The following SLC12A6 variants were observed in gnomAD, a reference collection of about 807,000 sequenced individuals.
SLC12A6 encodes the protein K-Cl cotransporter 3.
In SLC12A6, 66 loss-of-function variants were observed where a neutral mutation model predicts 135.3. The observed-to-expected ratio is 0.49, with a 90% confidence interval of 0.40 to 0.60. The LOEUF (loss-of-function observed/expected upper bound fraction) is 0.60. Among genes scored for constraint, SLC12A6 ranks in the 20% least tolerant of loss-of-function variants. The probability of loss-of-function intolerance (pLI) is 0.00; values close to 1 mark genes in which losing one functional copy is unlikely to be tolerated. For missense variants in SLC12A6, 1,058 were observed against 1,452.3 expected, an observed-to-expected ratio of 0.73 and a Z score of 4.41; for synonymous variants, 513 against 508.8, an observed-to-expected ratio of 1.01 and a Z score of -0.11.
intron 2 of SLC12A6, among the ~76,000 whole-genome samples, chr15:34,307,172 C>T (rs1896655821): frequency 6.6e-6 from 1 of 152,032 alleles, no homozygotes; most frequent in Admixed American, 6.5e-5. Flanking sequence ...TCAACTGCAC[C>T]TCGATAAAAA....
chr15:34,245,525 A>G, intron 14 of SLC12A6, 122 bp from the exon 15 acceptor site: 1 of 884,304 alleles, frequency 1.1e-6, no homozygotes, highest in Non-Finnish European at 1.9e-6. Context: ...CCTTTTAAAT[A>G]CCTTTACAGC....
At chr15:34,315,652 TATAA>T (rs1196371795) in intron 2 of SLC12A6, among the ~76,000 whole-genome samples, 2 of 152,198 alleles carry the variant, frequency 1.3e-5, no homozygotes. Context: ...TACAGTATAG[TATAA>T]ATAAATATCA....
intron 12 of SLC12A6, 105 bp downstream of exon 12, chr15:34,250,526 T>A: frequency 2.4e-6 from 2 of 838,978 alleles, no homozygotes; most frequent in Non-Finnish European, 4.2e-6. Flanking sequence ...AGAAGTGAAG[T>A]GATAGAAAGC....
intron 2 of SLC12A6, among the ~76,000 whole-genome samples, chr15:34,331,896 A>G (rs1652287521): frequency 6.6e-6 from 1 of 152,110 alleles, no homozygotes; most frequent in African/African-American, 2.4e-5. Flanking sequence ...GCCAGTCTCA[A>G]AGTTGTTACA....
chr15:34,275,417 G>GA (rs771857961), intron 2 of SLC12A6, 28 bp from the exon 3 acceptor site: 12 of 1,289,520 alleles, frequency 9.3e-6, no homozygotes, highest in East Asian at 2.3e-5. Context: ...GAAAAGAAAA[G>GA]AAAAAAATGA....
chr15:34,265,125 A>G (rs1893413628), intron 3 of SLC12A6, among the ~76,000 whole-genome samples: 1 of 152,224 alleles, frequency 6.6e-6, no homozygotes, highest in African/African-American at 2.4e-5. Flanking sequence ...TAAACCCAGG[A>G]GGCGGAGCTT....
intron 2 of SLC12A6, among the ~76,000 whole-genome samples, chr15:34,311,810 T>C (rs939468479): frequency 1.3e-5 from 2 of 152,236 alleles, no homozygotes; most frequent in African/African-American, 4.8e-5. Flanking sequence ...CCCTAAACTT[T>C]TATTTCCCAT....
At chr15:34,272,177 G>T (rs2140872424) in intron 3 of SLC12A6, among the ~76,000 whole-genome samples, 1 of 152,192 alleles carries the variant, frequency 6.6e-6, no homozygotes. Flanking sequence ...CACCATCTTG[G>T]CTAGGCTGGT....
chr15:34,296,452 C>T (rs575473872), intron 2 of SLC12A6, among the ~76,000 whole-genome samples: 18 of 152,108 alleles, frequency 1.2e-4, no homozygotes, highest in Non-Finnish European at 2.5e-4. Flanking sequence ...AAAAAAGACT[C>T]GCTTGAACTT....
intron 2 of SLC12A6, among the ~76,000 whole-genome samples, chr15:34,307,900 GTT>G (rs1887845819): frequency 6.6e-6 from 1 of 152,152 alleles, no homozygotes; most frequent in South Asian, 2.1e-4. Context: ...AAGGTTACAT[GTT>G]GATGGAAAGA....
At chr15:34,240,317 CTTG>C (rs1891557256) in intron 19 of SLC12A6, among the ~76,000 whole-genome samples, 2 of 152,148 alleles carry the variant, frequency 1.3e-5, no homozygotes, top group South Asian at 2.1e-4. Context: ...GTCATTACTC[CTTG>C]TTGTCACAAG....
chr15:34,266,621 T>C (rs1566825800), intron 3 of SLC12A6, among the ~76,000 whole-genome samples: 1 of 152,144 alleles, frequency 6.6e-6, no homozygotes, highest in African/African-American at 2.4e-5. Context: ...TTTGGATTTT[T>C]TGTAGAGATG....
intron 3 of SLC12A6, among the ~76,000 whole-genome samples, chr15:34,269,981 G>GGCGTGTGCCATTGTGCCTGGCTC (rs1893803337): frequency 1.3e-5 from 2 of 151,922 alleles, no homozygotes; most frequent in African/African-American, 4.9e-5. Context: ...TTATTAGCTA[G>GGCGTGTGCCATTGTGCCTGGCTC]AATACCTCTA....
intron 2 of SLC12A6, among the ~76,000 whole-genome samples, chr15:34,285,718 C>CCACACACACACACACAT (rs1566839734): frequency 3.0e-5 from 2 of 66,066 alleles, no homozygotes; most frequent in African/African-American, 7.8e-5. Context: ...GTGTGTTTGT[C>CCACACACACACACACAT]ATACATAAAA....
Position 34,245,255 on chromosome 15 carries a change from G to C in SLC12A6, c.1943+30C>G, listed in dbSNP as rs749738538. The C allele has an allele frequency of 3.0e-5, 34 of 1,141,638 alleles. No individual in the cohort carries two copies. The South Asian group carries it at 3.8e-4, about 13-fold the overall frequency. 70.7% of individuals were successfully genotyped at this position (1,141,638 alleles called of 1,614,324 possible). The stretch of plus-strand genomic sequence containing the variant: ...CATGCATTATTTATCATTTAAGCAA[G>C]AATAACTGAAGAGAATCACTGGCTC... On this transcript the variant is annotated intron_variant, in intron 15 of 25. Transcript: ENST00000354181.
rs544954123 is a variant in SLC12A6, at chr15:34,234,281, C to T, written c.3362-309G>A. Among the ~76,000 whole-genome samples, 117 of 152,272 alleles carry T rather than the reference C, an allele frequency of 7.7e-4. 4 individuals are homozygous for T. The South Asian group carries it at 0.023, about 31-fold the overall frequency. On this transcript the variant is annotated intron_variant, in intron 25 of 25. Coordinates refer to ENST00000354181, the MANE Select transcript of SLC12A6 (RefSeq NM_001365088.1). ...CACAATAGGGCAGCTAACAAGATTC[C>T]TAGAGAGAACCCAAGTAATTTCTAA...
At chr15:34,267,711 G>A (rs559193258) in intron 3 of SLC12A6, among the ~76,000 whole-genome samples, 1 of 152,268 alleles carries the variant, frequency 6.6e-6, no homozygotes, top group South Asian at 2.1e-4. Context: ...ACTTATTTGT[G>A]TTTTCTGGCT....
chr15:34,235,101 A>C, intron 25 of SLC12A6, 80 bp downstream of exon 25: 1 of 1,283,956 alleles, frequency 7.8e-7, no homozygotes, highest in Non-Finnish European at 1.1e-6. Context: ...ATAGACAATG[A>C]CTTTTATTGT....
At chr15:34,247,496 G>A (rs566929262) in intron 13 of SLC12A6, among the ~76,000 whole-genome samples, 48 of 151,814 alleles carry the variant, frequency 3.2e-4, no homozygotes, top group Middle Eastern at 6.8e-3. Context: ...CAGCCTGGGC[G>A]ACAGAGCGAG....
Sources: gnomAD v4.1 joint callset for allele counts (sites outside exome capture counted in the v4.1 genomes callset) on GRCh38, gnomAD v4.1.1 for gene constraint, MANE v1.5 for transcripts, NCBI Gene and HGNC (gene_info 2026-07-23, HGNC 2026-07-21) for gene names.